Variants in SLC26A5 observed in about 807,000 individuals in gnomAD.
The protein encoded by SLC26A5 is solute carrier family 26 member 5.
SLC26A5 carries 51 observed loss-of-function variants against 81.0 expected under a neutral mutation model. The observed-to-expected ratio is 0.63, with a 90% confidence interval of 0.50 to 0.80. The LOEUF is 0.80. Among genes scored for constraint, SLC26A5 ranks in the 30% least tolerant of loss-of-function variants. SLC26A5 has a pLI of 0.00. For synonymous variants in SLC26A5, 325 were observed against 332.8 expected, an observed-to-expected ratio of 0.98 and a Z score of 0.25; for missense variants, 771 against 905.8, an observed-to-expected ratio of 0.85 and a Z score of 1.91.
chr7:103,356,767 A>G (rs115933666), intron 19 of SLC26A5, among the ~76,000 whole-genome samples: 3,157 of 152,228 alleles, frequency 0.021, 108 homozygotes, highest in African/African-American at 0.072. Flanking sequence ...AATGTTTTAC[A>G]TTTTTAGGAG....
intron 8 of SLC26A5, among the ~76,000 whole-genome samples, chr7:103,405,790 C>T (rs1423222634): frequency 1.3e-5 from 2 of 152,188 alleles, no homozygotes; most frequent in Non-Finnish European, 2.9e-5. Flanking sequence ...CTGCCCCTTC[C>T]CCCAGGTTCT....
rs1185542032 is a variant in SLC26A5 at position 103,374,228 on chromosome 7, T to A, written c.*171A>T. 3 of 1,411,136 alleles carry A rather than the reference T, an allele frequency of 2.1e-6. No individual in the cohort carries two copies. Among genetic ancestry groups the A allele is most frequent in the Non-Finnish European group, 2.8e-6 (3 of 1,087,458 alleles). 87.4% of individuals were successfully genotyped at this position (1,411,136 alleles called of 1,614,324 possible). On this transcript the variant is annotated 3_prime_UTR_variant, in exon 20 of 20. Transcript: ENST00000306312. The stretch of plus-strand genomic sequence containing the variant: ...CCAATTTATCTTTGAAGTATTCAAT[T>A]AAAAAAACACAAGTACAATACATCT...
At chr7:103,370,691 T>C (rs1820983956), downstream of SLC26A5, among the ~76,000 whole-genome samples, 1 of 152,220 alleles carries the variant, frequency 6.6e-6, no homozygotes, top group Non-Finnish European at 1.5e-5. Flanking sequence ...GGGATCCCAT[T>C]ATCAGCTGCC....
At chr7:103,429,514 A>G (rs1306528853) in intron 2 of SLC26A5, among the ~76,000 whole-genome samples, 3 of 152,246 alleles carry the variant, frequency 2.0e-5, no homozygotes, top group African/African-American at 7.2e-5. Flanking sequence ...GAACCCAGAA[A>G]AAACATATTT....
At chr7:103,383,263 G>A (rs1821934057) in intron 14 of SLC26A5, among the ~76,000 whole-genome samples, 1 of 152,208 alleles carries the variant, frequency 6.6e-6, no homozygotes, top group Non-Finnish European at 1.5e-5. Flanking sequence ...CAGAGTAAGG[G>A]ATGGGCACAT....
chr7:103,444,711 T>C (rs1023874819), intron 1 of SLC26A5, among the ~76,000 whole-genome samples: 1 of 152,210 alleles, frequency 6.6e-6, no homozygotes, highest in Non-Finnish European at 1.5e-5. Flanking sequence ...CATAAGAGAA[T>C]TGGGGCTTCA....
At chr7:103,369,378 G>T (rs1297632062), downstream of SLC26A5, 1 of 152,174 alleles carries the variant, frequency 6.6e-6, no homozygotes, top group African/African-American at 2.4e-5. Context: ...TTAAATAAAT[G>T]TACACATTTA....
At chr7:103,373,884 C>G (rs1289547429), downstream of SLC26A5, among the ~76,000 whole-genome samples, 2 of 152,142 alleles carry the variant, frequency 1.3e-5, no homozygotes, top group Non-Finnish European at 2.9e-5. Context: ...TGCTTGTCTA[C>G]TTTTTTAAAA....
At chr7:103,430,100 T>C (rs1043130826) in intron 2 of SLC26A5, among the ~76,000 whole-genome samples, 5 of 145,452 alleles carry the variant, frequency 3.4e-5, no homozygotes, top group Admixed American at 2.1e-4. Flanking sequence ...TTTTTTGAAA[T>C]AGAGTTTCAC....
intron 2 of SLC26A5, among the ~76,000 whole-genome samples, chr7:103,426,475 C>G (rs571663620): frequency 4.7e-4 from 72 of 152,298 alleles, no homozygotes; most frequent in African/African-American, 1.7e-3. Context: ...TTTGTCTCAA[C>G]TTTAACTGGG....
chr7:103,411,725 C>T, intron 5 of SLC26A5, 139 bp from the exon 6 acceptor site: 1 of 955,250 alleles, frequency 1.0e-6, no homozygotes, highest in South Asian at 1.4e-5. Flanking sequence ...AGTGTCCTGC[C>T]CCTGGTGTAT....
chr7:103,445,135 T>C (rs992002397), intron 1 of SLC26A5: 1 of 152,208 alleles, frequency 6.6e-6, no homozygotes. Context: ...TCCATGAATG[T>C]TGTTTAAATT....
chr7:103,369,650 A>AC (rs1820914564), downstream of SLC26A5, among the ~76,000 whole-genome samples: 1 of 152,100 alleles, frequency 6.6e-6, no homozygotes, highest in African/African-American at 2.4e-5. Context: ...TTTGTACTCA[A>AC]AGAGATGAAA....
At chr7:103,382,871 CA>C (rs1240044313) in intron 14 of SLC26A5, among the ~76,000 whole-genome samples, 1 of 152,190 alleles carries the variant, frequency 6.6e-6, no homozygotes, top group Non-Finnish European at 1.5e-5. Flanking sequence ...CAATGTCAGA[CA>C]GCTTGCCAGA....
intron 9 of SLC26A5, 48 bp from the exon 10 acceptor site, chr7:103,393,114 A>AG (rs1445435880): frequency 6.2e-7 from 1 of 1,611,900 alleles, no homozygotes; most frequent in Non-Finnish European, 8.5e-7. Flanking sequence ...ACAAGGGAAA[A>AG]GAAAAAAAAC....
intron 2 of SLC26A5, among the ~76,000 whole-genome samples, chr7:103,425,274 A>T (rs918355421): frequency 5.3e-5 from 8 of 152,314 alleles, no homozygotes; most frequent in Admixed American, 4.6e-4. Flanking sequence ...TACTTGACAT[A>T]TTGAAAACAC....
chr7:103,359,057 C>T (rs191351725), intron 19 of SLC26A5, among the ~76,000 whole-genome samples: 1 of 146,034 alleles, frequency 6.8e-6, no homozygotes, highest in African/African-American at 2.5e-5. Context: ...GATCTCAGCT[C>T]GCTGCAGCCT....
downstream of SLC26A5, among the ~76,000 whole-genome samples, chr7:103,373,339 A>T (rs1308567141): frequency 6.6e-6 from 1 of 152,166 alleles, no homozygotes; most frequent in South Asian, 2.1e-4. Context: ...ATGCGATATG[A>T]AGCATGTATC....
downstream of SLC26A5, among the ~76,000 whole-genome samples, chr7:103,371,692 A>G (rs1370815667): frequency 6.9e-6 from 1 of 145,870 alleles, no homozygotes; most frequent in African/African-American, 2.6e-5. Context: ...AGAATGTGCA[A>G]TAATTTTTTT....
Sources: gnomAD v4.1 joint callset for allele counts (sites outside exome capture counted in the v4.1 genomes callset) on GRCh38, gnomAD v4.1.1 for gene constraint, MANE v1.5 for transcripts, NCBI Gene and HGNC (gene_info 2026-07-23, HGNC 2026-07-21) for gene names.